The following CHSY3 variants were observed in gnomAD, a reference collection of about 807,000 sequenced individuals.
CHSY3 encodes the protein chondroitin sulfate synthase 3.
CHSY3 carries 35 observed loss-of-function variants against 67.2 expected under a neutral mutation model. That is an observed-to-expected ratio of 0.52 (90% CI 0.40 to 0.69). The LOEUF (loss-of-function observed/expected upper bound fraction) is 0.69. Ranked by LOEUF, CHSY3 falls within the 30% of genes least tolerant of loss-of-function variation. The pLI is 0.00. For synonymous variants in CHSY3, 474 were observed against 434.7 expected (o/e 1.09, Z -1.12); for missense variants, 1,069 against 1,138.5 (o/e 0.94, Z 0.88).
chr5:130,104,408 T>TC (rs1347722373), intron 2 of CHSY3, among the ~76,000 whole-genome samples: 10 of 151,850 alleles, frequency 6.6e-5, no homozygotes, highest in Non-Finnish European at 1.2e-4. Flanking sequence ...TTCAGATACC[T>TC]CCTTCCATCA....
At chr5:129,992,787 C>T (rs1212725227) in intron 2 of CHSY3, among the ~76,000 whole-genome samples, 2 of 152,156 alleles carry the variant, frequency 1.3e-5, no homozygotes, top group Non-Finnish European at 2.9e-5. Context: ...CCTAAAAGAA[C>T]CATTGCTAAT....
intron 2 of CHSY3, among the ~76,000 whole-genome samples, chr5:130,037,483 G>C: frequency 6.6e-6 from 1 of 152,040 alleles, no homozygotes. Context: ...TTTCTTATAA[G>C]TATTTTAAAA....
chr5:130,023,680 C>T (rs1301057150), intron 2 of CHSY3, among the ~76,000 whole-genome samples: 1 of 151,890 alleles, frequency 6.6e-6, no homozygotes, highest in Non-Finnish European at 1.5e-5. Flanking sequence ...AAGTCTAAAA[C>T]CATCATCACA....
intron 2 of CHSY3, among the ~76,000 whole-genome samples, chr5:130,029,404 A>G (rs1228261821): frequency 6.6e-6 from 1 of 152,102 alleles, no homozygotes; most frequent in African/African-American, 2.4e-5. Context: ...GTCTTTCACA[A>G]GGTTGTATAT....
chr5:130,033,532 G>A (rs116342478), intron 2 of CHSY3, among the ~76,000 whole-genome samples: 3,278 of 152,236 alleles, frequency 0.022, 111 homozygotes, highest in African/African-American at 0.072. Flanking sequence ...GGATGATATT[G>A]ATGTGTTTTA....
At chr5:130,035,601 C>A (rs955414390) in intron 2 of CHSY3, among the ~76,000 whole-genome samples, 1 of 152,012 alleles carries the variant, frequency 6.6e-6, no homozygotes, top group Non-Finnish European at 1.5e-5. Flanking sequence ...CCTCAAGATA[C>A]GGGAAGCAGA....
intron 2 of CHSY3, among the ~76,000 whole-genome samples, chr5:130,041,579 T>G (rs1358855788): frequency 6.6e-6 from 1 of 152,104 alleles, no homozygotes; most frequent in Non-Finnish European, 1.5e-5. Context: ...AATGGTTGTT[T>G]TCTCTAAAAG....
At chr5:129,907,798 T>C (rs992889592) in intron 1 of CHSY3, among the ~76,000 whole-genome samples, 3 of 152,234 alleles carry the variant, frequency 2.0e-5, no homozygotes, top group Non-Finnish European at 4.4e-5. Context: ...ACTTTCCTTG[T>C]CATTATTTCA....
chr5:129,961,509 A>G (rs1026466696), intron 2 of CHSY3, among the ~76,000 whole-genome samples: 3 of 152,036 alleles, frequency 2.0e-5, no homozygotes, highest in African/African-American at 7.2e-5. Context: ...TACTGTACAC[A>G]GTATGCACTT....
chr5:130,130,782 G>A (rs1768457289), intron 2 of CHSY3, among the ~76,000 whole-genome samples: 1 of 152,134 alleles, frequency 6.6e-6, no homozygotes, highest in Non-Finnish European at 1.5e-5. Context: ...CTCCACAGAG[G>A]TGTTCATCTT....
At chr5:129,990,305 G>A (rs1192336359) in intron 2 of CHSY3, among the ~76,000 whole-genome samples, 2 of 151,634 alleles carry the variant, frequency 1.3e-5, no homozygotes, top group African/African-American at 4.9e-5. Flanking sequence ...TAGGTTTCAG[G>A]GCACTCTGAT....
At chr5:130,043,849 T>A (rs1055271393) in intron 2 of CHSY3, among the ~76,000 whole-genome samples, 2 of 152,152 alleles carry the variant, frequency 1.3e-5, no homozygotes, top group Non-Finnish European at 2.9e-5. Context: ...CTTTTGGATT[T>A]AATTACAATT....
At chr5:129,907,756 G>T (rs545599983) in intron 1 of CHSY3, among the ~76,000 whole-genome samples, 1 of 152,170 alleles carries the variant, frequency 6.6e-6, no homozygotes, top group East Asian at 1.9e-4. Flanking sequence ...GGAACTTCTT[G>T]TTACTTCAAA....
At chr5:130,043,763 GT>G (rs1765069033) in intron 2 of CHSY3, among the ~76,000 whole-genome samples, 1 of 146,600 alleles carries the variant, frequency 6.8e-6, no homozygotes, top group African/African-American at 2.5e-5. Context: ...GTGTGCATAT[GT>G]TTTATAGTGT....
chr5:130,119,939 G>A lies in CHSY3; in HGVS notation c.1087-64290G>A, dbSNP rs1408882573. On this transcript the variant is annotated intron_variant, in intron 2 of 2. Transcript: ENST00000305031. ...AAAATTTATTTCATTCGCTAAAAAT[G>A]TTAAAGGAGTAACATGACATTGTGT... 3.4e-4 allele frequency among the ~76,000 whole-genome samples: 52 copies of A among 152,110 alleles called. 1 individual carries two copies. The highest frequency in any genetic ancestry group is 3.4e-3 in the Admixed American group (52 of 15,260).
chr5:129,943,472 A>G (rs1281930440), intron 2 of CHSY3, among the ~76,000 whole-genome samples: 1 of 152,228 alleles, frequency 6.6e-6, no homozygotes, highest in African/African-American at 2.4e-5. Flanking sequence ...TTAATTTGTA[A>G]ATTAAATATG....
At chr5:129,990,930 C>A (rs13167237) in intron 2 of CHSY3, among the ~76,000 whole-genome samples, 2 of 151,918 alleles carry the variant, frequency 1.3e-5, no homozygotes, top group Non-Finnish European at 2.9e-5. Flanking sequence ...CATAACCCAG[C>A]CTATCCAAGA....
chr5:129,905,870 TGC>T, intron 1 of CHSY3: 28 of 885,846 alleles, frequency 3.2e-5, no homozygotes, highest in Admixed American at 1.3e-4. Context: ...CTTCCTCACT[TGC>T]TGTTTTCGGT....
chr5:130,159,624 T>TAGCCAAGAAA (rs1769471743), intron 2 of CHSY3, among the ~76,000 whole-genome samples: 1 of 152,256 alleles, frequency 6.6e-6, no homozygotes, highest in African/African-American at 2.4e-5. Context: ...AAGTAAAAGT[T>TAGCCAAGAAA]TGAATGCAAT....
Sources: allele counts gnomAD v4.1 joint callset (sites outside exome capture counted in the v4.1 genomes callset), GRCh38; gene constraint gnomAD v4.1.1; transcripts MANE v1.5; gene names NCBI Gene and HGNC (gene_info 2026-07-23, HGNC 2026-07-21).